Variants in SUCO observed in about 807,000 individuals in gnomAD.
SUCO encodes SUN domain containing ossification factor, also known as SUN domain-containing ossification factor.
Under a neutral mutation model 148.1 loss-of-function variants are expected in SUCO, and 57 were observed. That is an observed-to-expected ratio of 0.38 (90% CI 0.31 to 0.48). The LOEUF (loss-of-function observed/expected upper bound fraction) is 0.48, where lower values mean the gene tolerates loss of function less well. Ranked by LOEUF, SUCO falls within the 20% of genes least tolerant of loss-of-function variation. The probability of loss-of-function intolerance (pLI) is 0.96; values close to 1 mark genes in which losing one functional copy is unlikely to be tolerated. For synonymous variants in SUCO, 470 were observed against 502.7 expected (o/e 0.93, Z 0.87); for missense variants, 1,331 against 1,468.2 (o/e 0.91, Z 1.53).
intron 9 of SUCO, among the ~76,000 whole-genome samples, chr1:172,572,258 G>C (rs934510053): frequency 2.0e-4 from 31 of 151,484 alleles, no homozygotes; most frequent in Admixed American, 1.6e-3. Context: ...GGAATAGAAA[G>C]GGGGGAAGGG....
chr1:172,533,948 G>C (rs1651821670), intron 1 of SUCO, among the ~76,000 whole-genome samples: 1 of 152,164 alleles, frequency 6.6e-6, no homozygotes, highest in African/African-American at 2.4e-5. Context: ...ATGAAGGTAA[G>C]AGTAATGTAT....
intron 10 of SUCO, 44 bp downstream of exon 10, chr1:172,574,042 G>GA: frequency 2.6e-6 from 3 of 1,158,224 alleles, no homozygotes; most frequent in Non-Finnish European, 3.7e-6. Context: ...TTGGATCTCT[G>GA]AAAAAAAGAA....
upstream of SUCO, chr1:172,532,797 G>C: frequency 6.2e-7 from 1 of 1,608,370 alleles, no homozygotes; most frequent in Non-Finnish European, 8.5e-7. Context: ...GAGGGACGAA[G>C]GGCGGTCCAC....
At chr1:172,580,743 G>A (rs958245302) in intron 15 of SUCO, among the ~76,000 whole-genome samples, 3 of 152,160 alleles carry the variant, frequency 2.0e-5, no homozygotes, top group Non-Finnish European at 4.4e-5. Context: ...TAAAGGAAAA[G>A]TGTGTTGATA....
At chr1:172,567,980 G>A (rs529995932) in intron 6 of SUCO, among the ~76,000 whole-genome samples, 57 of 152,152 alleles carry the variant, frequency 3.7e-4, no homozygotes, top group Admixed American at 2.1e-3. Flanking sequence ...AAGCATTATC[G>A]CCTGAATTCT....
intron 17 of SUCO, among the ~76,000 whole-genome samples, chr1:172,586,901 T>G (rs1656284687): frequency 6.6e-6 from 1 of 152,122 alleles, no homozygotes. Context: ...ATAGCGTATG[T>G]GTTATTGATT....
chr1:172,579,136 G>A, intron 14 of SUCO, 66 bp from the exon 15 acceptor site: 2 of 866,818 alleles, frequency 2.3e-6, no homozygotes, highest in Non-Finnish European at 3.8e-6. Flanking sequence ...CATAATTTGA[G>A]CTTTTAAATA....
At chr1:172,582,973 T>C (rs1297995497) in intron 15 of SUCO, among the ~76,000 whole-genome samples, 1 of 152,182 alleles carries the variant, frequency 6.6e-6, no homozygotes, top group Admixed American at 6.5e-5. Context: ...TCTTGAATTA[T>C]TTAATAATGA....
intron 3 of SUCO, among the ~76,000 whole-genome samples, chr1:172,553,751 A>G (rs2516064): frequency 0.27 from 40,655 of 152,112 alleles, 6,092 homozygotes; most frequent in Non-Finnish European, 0.33. Context: ...TTGATAACCA[A>G]GATTTCCACT....
chr1:172,533,129 C>T (rs1056232276), upstream of SUCO: 14 of 1,439,504 alleles, frequency 9.7e-6, no homozygotes, highest in African/African-American at 7.2e-5. Context: ...CGGAGCAAGG[C>T]CCCCGGCGGG....
Position 172,557,257 on chromosome 1 carries a change from A to T in SUCO, c.444-23A>T, listed in dbSNP as rs768098011. The T allele has an allele frequency of 1.1e-5, 18 of 1,607,936 alleles. No individual in the cohort carries two copies. The African/African-American group carries it at 1.7e-4, about 16-fold the overall frequency. On this transcript the variant is annotated intron_variant, in intron 4 of 23. Coordinates refer to ENST00000263688, the MANE Select transcript of SUCO (RefSeq NM_014283.5). ...CTCAAGTTTATTTAATTACCAGATTATGTTTCTTGTTTCTTTTTTTAGTGA... is the reference window on the plus strand; with the variant it reads ...CTCAAGTTTATTTAATTACCAGATTTTGTTTCTTGTTTCTTTTTTTAGTGA...
intron 20 of SUCO, among the ~76,000 whole-genome samples, chr1:172,600,700 G>A (rs1657448754): frequency 4.0e-5 from 1 of 24,898 alleles, no homozygotes; most frequent in Non-Finnish European, 8.0e-5. Context: ...AATTAAATGT[G>A]TGTGTGTGTG....
chr1:172,537,371 AT>A, intron 1 of SUCO, among the ~76,000 whole-genome samples: 1 of 152,280 alleles, frequency 6.6e-6, no homozygotes, highest in East Asian at 1.9e-4. Context: ...CTACTAGATT[AT>A]TTTATGTCAT....
At chr1:172,598,416 G>A (rs1305182346) in intron 19 of SUCO, among the ~76,000 whole-genome samples, 4 of 152,178 alleles carry the variant, frequency 2.6e-5, no homozygotes, top group African/African-American at 9.6e-5. Flanking sequence ...GATTGTTTTG[G>A]CTGTAGTAGT....
intron 1 of SUCO, among the ~76,000 whole-genome samples, chr1:172,536,360 T>A (rs1280188570): frequency 6.6e-6 from 1 of 152,212 alleles, no homozygotes; most frequent in African/African-American, 2.4e-5. Context: ...AGTTGTTATA[T>A]CCTCAGAATG....
chr1:172,561,841 A>G (rs1370539124), intron 6 of SUCO, among the ~76,000 whole-genome samples: 1 of 152,198 alleles, frequency 6.6e-6, no homozygotes, highest in Non-Finnish European at 1.5e-5. Context: ...CTACCTCAGC[A>G]TTGGCACAGG....
Position 172,570,154 on chromosome 1 carries a change from G to A in SUCO, c.964G>A (p.Ala322Thr). The A allele has an allele frequency of 6.3e-7, 1 of 1,581,580 alleles. No individual in the cohort carries two copies. Among genetic ancestry groups the A allele is most frequent in the South Asian group, 1.2e-5 (1 of 84,206 alleles). The stretch of plus-strand genomic sequence containing the variant: ...AGAATGTGGTGCCAAAATTCTAGCA[G>A]CTAATCCAGAAGCCAAGGTAGGTGT... ...SVECGAKILA[A>T]NPEAKSTSAI... The change falls in exon 8 of 24, where the codon GCT (alanine) becomes ACT (threonine). Residue 322 changes from alanine (A) to threonine (T), a missense_variant. By Grantham distance (58) the Ala-to-Thr change is moderately conservative. This residue lies in a region of SUCO where 992 missense variants were observed against 1,093.5 expected (regional missense o/e 0.91). Transcript: ENST00000263688.
At chr1:172,583,482 T>C (rs1316295004) in intron 15 of SUCO, among the ~76,000 whole-genome samples, 1 of 152,162 alleles carries the variant, frequency 6.6e-6, no homozygotes, top group Non-Finnish European at 1.5e-5. Flanking sequence ...GTTTGAAATC[T>C]GCTACTATTT....
chr1:172,607,968 C>T (rs941165702), intron 22 of SUCO: 1 of 456,408 alleles, frequency 2.2e-6, no homozygotes, highest in East Asian at 1.6e-4. Flanking sequence ...TCTGTCAGAC[C>T]TTAAATTGTT....
Sources: allele counts gnomAD v4.1 joint callset (sites outside exome capture counted in the v4.1 genomes callset), GRCh38; gene constraint gnomAD v4.1.1; regional missense constraint gnomAD v4.1.1; transcripts MANE v1.5; gene names NCBI Gene and HGNC (gene_info 2026-07-23, HGNC 2026-07-21).